The following EDIL3 variants were observed in gnomAD, a reference collection of about 807,000 sequenced individuals.
The protein encoded by EDIL3 is EGF-like repeat and discoidin I-like domain-containing protein 3.
EDIL3 carries 37 observed loss-of-function variants against 67.4 expected under a neutral mutation model. The ratio of observed to expected loss-of-function variants is 0.55; its 90% CI spans 0.42 to 0.72. The LOEUF is 0.72. EDIL3 is among the 30% of genes least tolerant of loss of function. The probability of loss-of-function intolerance (pLI) is 0.00; values close to 1 mark genes in which losing one functional copy is unlikely to be tolerated. For synonymous variants in EDIL3, 195 were observed against 196.3 expected, an observed-to-expected ratio of 0.99 and a Z score of 0.05; for missense variants, 527 against 586.3, an observed-to-expected ratio of 0.90 and a Z score of 1.04.
At chr5:84,073,521 A>G (rs1390421722) in intron 6 of EDIL3, among the ~76,000 whole-genome samples, 9 of 152,222 alleles carry the variant, frequency 5.9e-5, no homozygotes, top group African/African-American at 2.2e-4. Flanking sequence ...AAATCAATGT[A>G]CAAACATCAC....
intron 3 of EDIL3, among the ~76,000 whole-genome samples, chr5:84,194,264 T>C (rs1208933101): frequency 6.6e-6 from 1 of 151,966 alleles, no homozygotes; most frequent in Non-Finnish European, 1.5e-5. Flanking sequence ...CTGGTGGTGC[T>C]ATCAATGTTG....
rs1419579085 is a variant in EDIL3 at position 84,297,881 on chromosome 5, C to T, written c.68-43669G>A. 2.6e-5 allele frequency among the ~76,000 whole-genome samples: 4 copies of T among 152,118 alleles called. No individual in the cohort carries two copies. The East Asian group carries it at 7.7e-4, about 29-fold the overall frequency. ...CAAGTCTAGACACATTCCAGAGCCA[C>T]GAGCCCTGGATTCTATCCAAGCCAC... On this transcript the variant is annotated intron_variant, in intron 1 of 10. Transcript: ENST00000296591.
At chr5:84,366,149 GA>G (rs1167431431) in intron 1 of EDIL3, among the ~76,000 whole-genome samples, 7 of 151,770 alleles carry the variant, frequency 4.6e-5, no homozygotes, top group African/African-American at 9.7e-5. Context: ...ATAAAATAAA[GA>G]AAAACAACAG....
intron 1 of EDIL3, among the ~76,000 whole-genome samples, chr5:84,340,112 A>G (rs1747071605): frequency 6.6e-6 from 1 of 152,008 alleles, no homozygotes; most frequent in Admixed American, 6.6e-5. Context: ...TTCAAATATC[A>G]TGGCATAGGT....
intron 9 of EDIL3, among the ~76,000 whole-genome samples, chr5:84,042,797 C>T (rs1055787737): frequency 4.6e-5 from 7 of 152,122 alleles, no homozygotes; most frequent in Admixed American, 4.6e-4. Flanking sequence ...TAGCAGAGTT[C>T]CTATTACTCA....
intron 6 of EDIL3, among the ~76,000 whole-genome samples, chr5:84,100,803 C>G (rs1256936325): frequency 2.0e-5 from 3 of 151,920 alleles, no homozygotes; most frequent in Non-Finnish European, 4.4e-5. Flanking sequence ...ATAAATACAC[C>G]AATTTTGATT....
chr5:84,301,203 G>A (rs1746153752), intron 1 of EDIL3, among the ~76,000 whole-genome samples: 1 of 151,870 alleles, frequency 6.6e-6, no homozygotes, highest in Non-Finnish European at 1.5e-5. Context: ...TGGAGGCGGA[G>A]GTTGCGGTGA....
At chr5:84,163,020 A>G (rs1748642007) in intron 4 of EDIL3, among the ~76,000 whole-genome samples, 1 of 152,144 alleles carries the variant, frequency 6.6e-6, no homozygotes, top group South Asian at 2.1e-4. Flanking sequence ...CATATTTTTA[A>G]AAGTAAATAT....
intron 1 of EDIL3, among the ~76,000 whole-genome samples, chr5:84,362,583 T>C (rs150710404): frequency 6.6e-4 from 101 of 152,304 alleles, no homozygotes; most frequent in African/African-American, 2.1e-3. Context: ...GAAGTCCCTG[T>C]TAAAGTTGGT....
intron 6 of EDIL3, among the ~76,000 whole-genome samples, chr5:84,091,049 AAC>A (rs996403264): frequency 6.6e-6 from 1 of 152,174 alleles, no homozygotes; most frequent in Non-Finnish European, 1.5e-5. Flanking sequence ...CACAGTCACT[AAC>A]AGTGTCCACT....
chr5:84,067,390 T>C (rs1023965491), intron 6 of EDIL3, among the ~76,000 whole-genome samples: 2 of 152,160 alleles, frequency 1.3e-5, no homozygotes, highest in Non-Finnish European at 1.5e-5. Context: ...AATGCTACAA[T>C]GTAGAAAAGT....
chr5:84,265,354 T>G (rs1344261020), intron 1 of EDIL3, among the ~76,000 whole-genome samples: 1 of 152,208 alleles, frequency 6.6e-6, no homozygotes, highest in Non-Finnish European at 1.5e-5. Flanking sequence ...TAAACTATGT[T>G]GCCAAACTTG....
In EDIL3 at chr5:84,191,138, G is replaced by C. The variant is rs1195593407; in HGVS notation, c.227-10617C>G. Reference sequence around the variant, plus strand: ...CTAATTCTCTTTGTTGAATGTTGTAGCAATCTGTAAAATATCAGATTTTGG... The same window carrying C: ...CTAATTCTCTTTGTTGAATGTTGTACCAATCTGTAAAATATCAGATTTTGG... On this transcript the variant is annotated intron_variant, in intron 3 of 10. Transcript: ENST00000296591. Among the ~76,000 whole-genome samples the C allele has an allele frequency of 2.0e-5, 3 of 151,946 alleles. No homozygotes were observed. The East Asian group carries it at 5.8e-4, about 29-fold the overall frequency.
intron 2 of EDIL3, among the ~76,000 whole-genome samples, chr5:84,235,083 C>A (rs937477924): frequency 6.6e-6 from 1 of 152,114 alleles, no homozygotes; most frequent in Non-Finnish European, 1.5e-5. Flanking sequence ...TGCCTGCGGA[C>A]GTATCCATAG....
At chr5:84,353,205 C>A (rs888681183) in intron 1 of EDIL3, among the ~76,000 whole-genome samples, 8 of 152,046 alleles carry the variant, frequency 5.3e-5, no homozygotes, top group African/African-American at 1.9e-4. Flanking sequence ...ATTATGGGCA[C>A]CAACCAATGT....
At chr5:84,343,852 A>G (rs1040720496) in intron 1 of EDIL3, among the ~76,000 whole-genome samples, 2 of 152,092 alleles carry the variant, frequency 1.3e-5, no homozygotes, top group African/African-American at 4.8e-5. Context: ...GTTGAGCATG[A>G]ATGTTCAGAA....
At chr5:84,321,766 T>C (rs1243409019) in intron 1 of EDIL3, among the ~76,000 whole-genome samples, 2 of 152,152 alleles carry the variant, frequency 1.3e-5, no homozygotes, top group African/African-American at 4.8e-5. Flanking sequence ...TTTGTTGCAC[T>C]TTCCCCATTG....
chr5:84,082,605 T>C (rs1369969133), intron 6 of EDIL3, among the ~76,000 whole-genome samples: 2 of 152,322 alleles, frequency 1.3e-5, no homozygotes, highest in South Asian at 2.1e-4. Flanking sequence ...AATCCAAATA[T>C]ATACAATCTT....
chr5:84,034,630 G>A (rs753223842), intron 9 of EDIL3, among the ~76,000 whole-genome samples: 2 of 152,164 alleles, frequency 1.3e-5, no homozygotes, highest in African/African-American at 4.8e-5. Context: ...CATTGGTTAT[G>A]AGCCTAGCAG....
Sources: gnomAD v4.1 joint callset for allele counts (sites outside exome capture counted in the v4.1 genomes callset) on GRCh38, gnomAD v4.1.1 for gene constraint, MANE v1.5 for transcripts, NCBI Gene and HGNC (gene_info 2026-07-23, HGNC 2026-07-21) for gene names.